MYO18B: variants seen among roughly 807,000 people sequenced by gnomAD.
The protein encoded by MYO18B is myosin XVIIIB.
A neutral mutation model predicts 273.0 loss-of-function variants in MYO18B; 204 were observed. The observed-to-expected ratio is 0.75, with a 90% CI of 0.67 to 0.84. The LOEUF (loss-of-function observed/expected upper bound fraction) is 0.84. Among genes scored for constraint, MYO18B ranks in the 40% least tolerant of loss-of-function variants. The pLI is 0.00. For missense variants in MYO18B, 3,212 were observed against 3,287.6 expected (o/e 0.98, Z 0.56); for synonymous variants, 1,330 against 1,305.7 (o/e 1.02, Z -0.40).
At chr22:25,918,342 T>A (rs1393933252) in intron 33 of MYO18B, among the ~76,000 whole-genome samples, 1 of 152,240 alleles carries the variant, frequency 6.6e-6, no homozygotes, top group Non-Finnish European at 1.5e-5. Flanking sequence ...AATTTGCCTT[T>A]ATGATAAATG....
intron 4 of MYO18B, 111 bp downstream of exon 4, chr22:25,769,539 C>T (rs898818921): frequency 1.6e-5 from 16 of 1,001,858 alleles, no homozygotes; most frequent in East Asian, 5.4e-5. Flanking sequence ...GGGGGGTGGG[C>T]AGGGAATTGG....
intron 36 of MYO18B, among the ~76,000 whole-genome samples, chr22:25,949,569 A>G (rs1169870710): frequency 6.6e-6 from 1 of 152,234 alleles, no homozygotes; most frequent in Non-Finnish European, 1.5e-5. Context: ...TGCATCTGAC[A>G]GAGGTTGGAT....
At chr22:26,008,566 A>G (rs192616318) in intron 42 of MYO18B, among the ~76,000 whole-genome samples, 165 of 152,346 alleles carry the variant, frequency 1.1e-3, no homozygotes, top group Admixed American at 3.5e-3. Flanking sequence ...CAAGAGAAAT[A>G]CACCTAAAGC....
chr22:25,914,686 CTTTTTTT>C (rs3070566), intron 33 of MYO18B, among the ~76,000 whole-genome samples: 35 of 50,848 alleles, frequency 6.9e-4, no homozygotes, highest in African/African-American at 1.1e-3. Flanking sequence ...AGTTTTGACT[CTTTTTTT>C]TTTTTTTTTT....
chr22:25,745,768 A>G (rs2085762585), intron 1 of MYO18B, among the ~76,000 whole-genome samples: 1 of 152,182 alleles, frequency 6.6e-6, no homozygotes, highest in South Asian at 2.1e-4. Flanking sequence ...CAGGGTTTCA[A>G]GTGAATTTTT....
At chr22:25,855,299 T>C (rs2090535831) in intron 21 of MYO18B, among the ~76,000 whole-genome samples, 1 of 151,360 alleles carries the variant, frequency 6.6e-6, no homozygotes, top group African/African-American at 2.4e-5. Flanking sequence ...TTTTTTTTTT[T>C]TTGAGATGGA....
intron 3 of MYO18B, 142 bp from the exon 4 acceptor site, chr22:25,767,973 T>C (rs924365821): frequency 1.5e-5 from 12 of 798,536 alleles, no homozygotes; most frequent in Non-Finnish European, 2.4e-5. Context: ...TGGCCATGCC[T>C]GTTGGATTTG....
At chr22:25,788,127 T>G (rs1569019760) in intron 11 of MYO18B, among the ~76,000 whole-genome samples, 1 of 152,222 alleles carries the variant, frequency 6.6e-6, no homozygotes, top group Non-Finnish European at 1.5e-5. Flanking sequence ...TTAGACCAAT[T>G]GATTTGCAGG....
chr22:25,956,376 C>T (rs963459068), intron 39 of MYO18B, among the ~76,000 whole-genome samples: 3 of 152,002 alleles, frequency 2.0e-5, no homozygotes, highest in East Asian at 3.9e-4. Flanking sequence ...CCACCATGTC[C>T]GTCTAATTTT....
At chr22:25,893,293 A>G (rs1039517573) in intron 27 of MYO18B, among the ~76,000 whole-genome samples, 1 of 152,218 alleles carries the variant, frequency 6.6e-6, no homozygotes, top group Non-Finnish European at 1.5e-5. Context: ...GGAGCTGGAC[A>G]CTGTGGGGGT....
At chr22:25,904,358 T>C (rs540725434) in intron 31 of MYO18B, among the ~76,000 whole-genome samples, 1 of 152,234 alleles carries the variant, frequency 6.6e-6, no homozygotes, top group South Asian at 2.1e-4. Context: ...AGCCCTAAGC[T>C]CTCCCCACAC....
intron 17 of MYO18B, among the ~76,000 whole-genome samples, chr22:25,835,800 C>T (rs544688834): frequency 1.6e-3 from 246 of 152,292 alleles, no homozygotes; most frequent in African/African-American, 5.5e-3. Flanking sequence ...GTGGGAGATG[C>T]GTGCAGATGC....
At chr22:25,988,364 G>T (rs2093224723) in intron 39 of MYO18B, among the ~76,000 whole-genome samples, 1 of 152,022 alleles carries the variant, frequency 6.6e-6, no homozygotes, top group South Asian at 2.1e-4. Flanking sequence ...TTCTCCTCAG[G>T]GTGCGCCCAC....
chr22:25,828,845 C>T lies in MYO18B; in HGVS notation c.2856C>T (p.Pro952=). ...MVVDSPGFQN[P]RHQGKDRAAT... ...TGGACTCTCCAGGCTTCCAGAACCC[C>T]CGGCACCAGGGCAAGGACCGGGCGG... Residue 952 remains proline, a synonymous_variant, in exon 15 of 44, where the codon CCC becomes CCT. Coordinates refer to ENST00000335473, the MANE Select transcript of MYO18B (RefSeq NM_032608.7). The T allele has an allele frequency of 6.2e-7, 1 of 1,614,012 alleles. No individual in the cohort carries two copies. Among genetic ancestry groups the T allele is most frequent in the Non-Finnish European group, 8.5e-7 (1 of 1,179,898 alleles).
At chr22:25,810,595 G>T (rs61055087) in intron 12 of MYO18B, among the ~76,000 whole-genome samples, 9,988 of 151,454 alleles carry the variant, frequency 0.066, 578 homozygotes, top group East Asian at 0.21. Flanking sequence ...CACCATCCCA[G>T]CTAATTTTTA....
At chr22:25,815,102 A>T (rs1387956911) in intron 12 of MYO18B, among the ~76,000 whole-genome samples, 1 of 152,270 alleles carries the variant, frequency 6.6e-6, no homozygotes, top group Non-Finnish European at 1.5e-5. Context: ...GCTCAGACGC[A>T]TGGTGAGTAC....
intron 42 of MYO18B, among the ~76,000 whole-genome samples, chr22:26,011,528 G>A (rs1193424525): frequency 6.6e-6 from 1 of 152,198 alleles, no homozygotes; most frequent in Non-Finnish European, 1.5e-5. Flanking sequence ...GAAGCTGAAT[G>A]AACTACAGGA....
intron 42 of MYO18B, among the ~76,000 whole-genome samples, chr22:26,016,781 TA>T: frequency 6.6e-6 from 1 of 151,974 alleles, no homozygotes; most frequent in African/African-American, 2.4e-5. Flanking sequence ...AATAAGTAAA[TA>T]GACAACCACA....
chr22:25,941,297 T>A (rs1473773482), intron 34 of MYO18B, among the ~76,000 whole-genome samples: 1 of 152,186 alleles, frequency 6.6e-6, no homozygotes, highest in Non-Finnish European at 1.5e-5. Context: ...TGATGATTAC[T>A]CAGAGTCGAA....
Sources: gnomAD v4.1 joint callset for allele counts (sites outside exome capture counted in the v4.1 genomes callset) on GRCh38, gnomAD v4.1.1 for gene constraint, MANE v1.5 for transcripts, NCBI Gene and HGNC (gene_info 2026-07-23, HGNC 2026-07-21) for gene names.